NTRK3: variants seen among roughly 807,000 people sequenced by gnomAD.
NTRK3 encodes the protein neurotrophic receptor tyrosine kinase 3, also known as NT-3 growth factor receptor.
In NTRK3, 24 loss-of-function variants were observed where a neutral mutation model predicts 91.7. The ratio of observed to expected loss-of-function variants is 0.26; its 90% CI spans 0.19 to 0.37. NTRK3 has a LOEUF of 0.37. Among genes scored for constraint, NTRK3 ranks in the 10% least tolerant of loss-of-function variants. The pLI, the probability that NTRK3 is intolerant of heterozygous loss-of-function variation, is 1.00. For missense variants in NTRK3, 880 were observed against 1,068.9 expected (o/e 0.82, Z 2.46); for synonymous variants, 483 against 404.0 (o/e 1.20, Z -2.34).
intron 10 of NTRK3, among the ~76,000 whole-genome samples, chr15:88,130,250 T>C (rs1431602898): frequency 6.6e-6 from 1 of 152,084 alleles, no homozygotes; most frequent in African/African-American, 2.4e-5. Flanking sequence ...AATAAACAAT[T>C]CAATAAATAA....
intron 14 of NTRK3, among the ~76,000 whole-genome samples, chr15:88,004,185 A>G (rs2076322774): frequency 6.6e-6 from 1 of 152,102 alleles, no homozygotes. Flanking sequence ...CTCCTTCACT[A>G]TTCACCTGAT....
At chr15:87,980,479 ATG>A (rs762383926) in intron 14 of NTRK3, among the ~76,000 whole-genome samples, 16 of 151,866 alleles carry the variant, frequency 1.1e-4, no homozygotes, top group Admixed American at 7.9e-4. Context: ...GGATGTGTGT[ATG>A]TGTTTCCATG....
intron 5 of NTRK3, among the ~76,000 whole-genome samples, chr15:88,152,774 T>C (rs1366667693): frequency 6.6e-6 from 1 of 152,248 alleles, no homozygotes; most frequent in African/African-American, 2.4e-5. Flanking sequence ...CCCCTTGCTC[T>C]GTCTATGCTT....
intron 3 of NTRK3, among the ~76,000 whole-genome samples, chr15:88,207,701 T>C (rs2048911518): frequency 6.7e-6 from 1 of 149,984 alleles, no homozygotes; most frequent in Middle Eastern, 3.2e-3. Flanking sequence ...GGTCCCCAGA[T>C]AAGGCTATTT....
At chr15:88,087,027 T>C (rs1016323101) in intron 13 of NTRK3, among the ~76,000 whole-genome samples, 2 of 152,228 alleles carry the variant, frequency 1.3e-5, no homozygotes, top group Non-Finnish European at 2.9e-5. Context: ...CATCACTGCA[T>C]TGGGTCACAG....
At chr15:88,131,349 G>C (rs189637956) in intron 10 of NTRK3, among the ~76,000 whole-genome samples, 3 of 152,304 alleles carry the variant, frequency 2.0e-5, no homozygotes, top group Admixed American at 2.0e-4. Context: ...AACTACTTGT[G>C]GGGAATCGGA....
intron 5 of NTRK3, among the ~76,000 whole-genome samples, chr15:88,158,053 T>A (rs1314480299): frequency 6.6e-6 from 1 of 152,206 alleles, no homozygotes; most frequent in Admixed American, 6.5e-5. Flanking sequence ...CTCCATGCCC[T>A]GTGACTCTGC....
At chr15:88,200,039 AG>A (rs1246374464) in intron 3 of NTRK3, among the ~76,000 whole-genome samples, 1 of 152,214 alleles carries the variant, frequency 6.6e-6, no homozygotes, top group Admixed American at 6.5e-5. Flanking sequence ...ACTATGCACA[AG>A]GAAGAGGCAC....
chr15:88,090,181 G>A (rs1460748113), intron 13 of NTRK3, among the ~76,000 whole-genome samples: 1 of 152,106 alleles, frequency 6.6e-6, no homozygotes, highest in Non-Finnish European at 1.5e-5. Flanking sequence ...CTTATCTTCA[G>A]TCTTCTCCAT....
chr15:88,034,176 C>G (rs2078865082), intron 13 of NTRK3, among the ~76,000 whole-genome samples: 1 of 152,150 alleles, frequency 6.6e-6, no homozygotes, highest in African/African-American at 2.4e-5. Flanking sequence ...GGGCCTGGAC[C>G]TAAGCTGAGC....
At chr15:88,038,381 G>A (rs905000052) in intron 13 of NTRK3, among the ~76,000 whole-genome samples, 3 of 152,146 alleles carry the variant, frequency 2.0e-5, no homozygotes, top group African/African-American at 7.2e-5. Context: ...AAGCACATAG[G>A]CCCATCACTT....
intron 14 of NTRK3, among the ~76,000 whole-genome samples, chr15:88,027,017 CAGA>C (rs1476147901): frequency 1.3e-5 from 2 of 152,128 alleles, no homozygotes; most frequent in African/African-American, 4.8e-5. Context: ...ATCCTAGAAA[CAGA>C]AGAATGAGCC....
exon 19 of NTRK3, chr15:87,876,149 A>T (rs1488041456): frequency 4.3e-6 from 1 of 233,034 alleles, no homozygotes; most frequent in African/African-American, 2.2e-5. Context: ...AGAAAGACAC[A>T]TCCTTTGCAA....
At chr15:88,021,253 G>T (rs1232825253) in intron 14 of NTRK3, among the ~76,000 whole-genome samples, 2 of 152,218 alleles carry the variant, frequency 1.3e-5, no homozygotes, top group Non-Finnish European at 2.9e-5. Context: ...CCTCCGAGGG[G>T]CTTGAGAGGA....
At chr15:88,118,451 G>A (rs1436861860) in intron 13 of NTRK3, among the ~76,000 whole-genome samples, 1 of 152,188 alleles carries the variant, frequency 6.6e-6, no homozygotes, top group Non-Finnish European at 1.5e-5. Flanking sequence ...AACAAAGAAG[G>A]ATGCTAGAAA....
chr15:87,923,927 C>G (rs1469795384), intron 17 of NTRK3, among the ~76,000 whole-genome samples: 10 of 152,132 alleles, frequency 6.6e-5, no homozygotes, highest in Non-Finnish European at 2.9e-5. Flanking sequence ...CAAGAAGGCC[C>G]TCACCAGATG....
At chr15:88,184,701 C>T (rs536138212) in intron 3 of NTRK3, among the ~76,000 whole-genome samples, 118 of 152,206 alleles carry the variant, frequency 7.8e-4, no homozygotes, top group African/African-American at 2.7e-3. Flanking sequence ...TTAGTTATTG[C>T]CCATAAAGAC....
intron 11 of NTRK3, 144 bp downstream of exon 11, chr15:88,128,567 T>C: frequency 8.0e-6 from 7 of 874,280 alleles, no homozygotes; most frequent in Non-Finnish European, 1.3e-5. Context: ...CTACCCTTCA[T>C]TTCCCTTTCA....
chr15:87,923,907 T>C (rs2068079530), intron 17 of NTRK3, among the ~76,000 whole-genome samples: 1 of 152,172 alleles, frequency 6.6e-6, no homozygotes, highest in African/African-American at 2.4e-5. Flanking sequence ...TCTGCCATGT[T>C]ATGACACAGC....
Sources: allele counts gnomAD v4.1 joint callset (sites outside exome capture counted in the v4.1 genomes callset), GRCh38; gene constraint gnomAD v4.1.1; transcripts MANE v1.5; gene names NCBI Gene and HGNC (gene_info 2026-07-23, HGNC 2026-07-21).